The following GAS2 variants were observed in gnomAD, a reference collection of about 807,000 sequenced individuals.
GAS2 encodes growth arrest specific 2, also known as growth arrest-specific protein 2.
GAS2 carries 20 observed loss-of-function variants against 37.5 expected under a neutral mutation model. The ratio of observed to expected loss-of-function variants is 0.53; its 90% CI spans 0.37 to 0.77. GAS2 has a LOEUF of 0.77. Among genes scored for constraint, GAS2 ranks in the 30% least tolerant of loss-of-function variants. The pLI is 0.00. For synonymous variants in GAS2, 144 were observed against 132.2 expected, an observed-to-expected ratio of 1.09 and a Z score of -0.61; for missense variants, 336 against 373.4, an observed-to-expected ratio of 0.90 and a Z score of 0.82.
At chr11:22,714,648 G>A (rs1851572880) in intron 3 of GAS2, among the ~76,000 whole-genome samples, 1 of 152,076 alleles carries the variant, frequency 6.6e-6, no homozygotes, top group East Asian at 1.9e-4. Flanking sequence ...AAGAAAAATT[G>A]AAATTATATC....
At chr11:22,735,224 CTTTTTTTT>C (rs397750049) in intron 4 of GAS2, among the ~76,000 whole-genome samples, 1 of 109,208 alleles carries the variant, frequency 9.2e-6, no homozygotes, top group Non-Finnish European at 1.8e-5. Context: ...ACCAATCATT[CTTTTTTTT>C]TTTTTTTTTT....
At chr11:22,651,485 A>G (rs1451596785) in intron 1 of GAS2, among the ~76,000 whole-genome samples, 1 of 152,154 alleles carries the variant, frequency 6.6e-6, no homozygotes, top group Admixed American at 6.5e-5. Context: ...GATTGGGGAA[A>G]TTCTCCTGGA....
At chr11:22,681,167 G>C (rs986803578) in intron 2 of GAS2, among the ~76,000 whole-genome samples, 17 of 152,130 alleles carry the variant, frequency 1.1e-4, no homozygotes, top group Non-Finnish European at 2.4e-4. Flanking sequence ...ATTTTTTCCA[G>C]GTGGCCCCAG....
At chr11:22,811,497 T>C (rs1296601773) in intron 7 of GAS2, among the ~76,000 whole-genome samples, 3 of 152,194 alleles carry the variant, frequency 2.0e-5, no homozygotes, top group East Asian at 1.9e-4. Flanking sequence ...AGAACTGTAA[T>C]AGAAGATCAG....
intron 5 of GAS2, among the ~76,000 whole-genome samples, chr11:22,748,752 G>C (rs570419043): frequency 1.3e-5 from 2 of 152,124 alleles, no homozygotes; most frequent in South Asian, 2.1e-4. Context: ...AACAAACTTA[G>C]GTTCAAAATA....
In GAS2 at chr11:22,651,004, T is replaced by C. The variant is rs563792620; in HGVS notation, c.-20-23846T>C. On this transcript the variant is annotated intron_variant, in intron 1 of 5. Transcript: ENST00000528582. The stretch of plus-strand genomic sequence containing the variant: ...TTTGCTCATTAGTTGATGCAGTTTC[T>C]TCCTAGTCTTGTTGGTCTTTACATT... Among the ~76,000 whole-genome samples the C allele has an allele frequency of 5.9e-4, 90 of 152,334 alleles. 1 individual carries two copies. The highest frequency in any genetic ancestry group is 1.2e-4 in the Non-Finnish European group (8 of 68,038).
At chr11:22,657,447 T>G (rs1008903943) in intron 1 of GAS2, among the ~76,000 whole-genome samples, 1 of 152,068 alleles carries the variant, frequency 6.6e-6, no homozygotes, top group Non-Finnish European at 1.5e-5. Context: ...GAGATTAAGG[T>G]GAGTGCATAG....
intron 7 of GAS2, among the ~76,000 whole-genome samples, chr11:22,783,948 G>A (rs1242571855): frequency 6.6e-6 from 1 of 152,118 alleles, no homozygotes; most frequent in Non-Finnish European, 1.5e-5. Context: ...AAGATCAGTT[G>A]ATTGTGCGTG....
intron 7 of GAS2, among the ~76,000 whole-genome samples, chr11:22,788,825 C>T (rs1357553832): frequency 6.6e-6 from 1 of 152,036 alleles, no homozygotes; most frequent in African/African-American, 2.4e-5. Context: ...ATACTAAAAT[C>T]TAAAATTCCA....
At chr11:22,790,694 C>G (rs189007101) in intron 7 of GAS2, among the ~76,000 whole-genome samples, 2 of 151,368 alleles carry the variant, frequency 1.3e-5, no homozygotes, top group Admixed American at 6.6e-5. Flanking sequence ...AAGTCCTGCC[C>G]TCAAGTGATC....
chr11:22,742,062 C>G (rs1699536474), intron 5 of GAS2, among the ~76,000 whole-genome samples: 1 of 151,958 alleles, frequency 6.6e-6, no homozygotes, highest in South Asian at 2.1e-4. Context: ...ATGAGAAATC[C>G]ATTCCTAAAA....
At chr11:22,729,208 T>C (rs570985463) in intron 4 of GAS2, among the ~76,000 whole-genome samples, 2 of 151,990 alleles carry the variant, frequency 1.3e-5, no homozygotes, top group South Asian at 4.1e-4. Flanking sequence ...GAGGCTTCTG[T>C]GTTTAGCTGT....
chr11:22,677,473 C>T (rs750553399), intron 2 of GAS2, among the ~76,000 whole-genome samples: 1 of 152,120 alleles, frequency 6.6e-6, no homozygotes, highest in African/African-American at 2.4e-5. Context: ...ACAGTATGAT[C>T]TATGAGAAGC....
chr11:22,747,879 A>G, intron 5 of GAS2, among the ~76,000 whole-genome samples: 1 of 152,208 alleles, frequency 6.6e-6, no homozygotes, highest in African/African-American at 2.4e-5. Flanking sequence ...ATCCACTGCA[A>G]AAACAAAACA....
At chr11:22,738,593 A>AG (rs1195597827) in intron 5 of GAS2, among the ~76,000 whole-genome samples, 2 of 152,220 alleles carry the variant, frequency 1.3e-5, no homozygotes, top group Non-Finnish European at 2.9e-5. Flanking sequence ...TTTAGGGTTG[A>AG]GATCAGATGA....
intron 1 of GAS2, among the ~76,000 whole-genome samples, chr11:22,660,677 A>G (rs1006899355): frequency 3.3e-5 from 5 of 152,246 alleles, no homozygotes; most frequent in Admixed American, 3.3e-4. Flanking sequence ...ACGATATTAC[A>G]AATTTACTAT....
At chr11:22,712,118 A>G (rs1232395093) in intron 3 of GAS2, among the ~76,000 whole-genome samples, 2 of 152,194 alleles carry the variant, frequency 1.3e-5, no homozygotes, top group Non-Finnish European at 2.9e-5. Flanking sequence ...GCAACTCATA[A>G]CAGAACAACC....
chr11:22,664,489 G>A (rs1265988743), upstream of GAS2, among the ~76,000 whole-genome samples: 1 of 152,132 alleles, frequency 6.6e-6, no homozygotes, highest in African/African-American at 2.4e-5. Context: ...GTGATCACTT[G>A]AAAATAAAAA....
chr11:22,679,297 A>T (rs1048440764), intron 2 of GAS2, among the ~76,000 whole-genome samples: 44 of 152,214 alleles, frequency 2.9e-4, no homozygotes, highest in African/African-American at 1.0e-3. Flanking sequence ...ATTGTTGCCT[A>T]TTGTACATTA....
Sources: allele counts gnomAD v4.1 joint callset (sites outside exome capture counted in the v4.1 genomes callset), GRCh38; gene constraint gnomAD v4.1.1; transcripts MANE v1.5; gene names NCBI Gene and HGNC (gene_info 2026-07-23, HGNC 2026-07-21).